The following DCUN1D2 variants were observed in gnomAD, a reference collection of about 807,000 sequenced individuals.
DCUN1D2 encodes the protein defective in cullin neddylation 1 domain containing 2.
Under a neutral mutation model 30.9 loss-of-function variants are expected in DCUN1D2, and 29 were observed. The observed-to-expected ratio is 0.94, with a 90% CI of 0.70 to 1.28. The LOEUF (loss-of-function observed/expected upper bound fraction) is 1.28, where lower values mean the gene tolerates loss of function less well. Among genes scored for constraint, DCUN1D2 ranks in the 50% most tolerant of loss-of-function variants. The probability of loss-of-function intolerance (pLI) is 0.00; values close to 1 mark genes in which losing one functional copy is unlikely to be tolerated. For missense variants in DCUN1D2, 325 were observed against 316.9 expected (o/e 1.03, Z -0.19); for synonymous variants, 121 against 115.3 (o/e 1.05, Z -0.32).
chr13:113,483,470 T>C (rs1331320236), intron 2 of DCUN1D2, among the ~76,000 whole-genome samples: 1 of 151,994 alleles, frequency 6.6e-6, no homozygotes, highest in Non-Finnish European at 1.5e-5. Context: ...TCAGCCTAAA[T>C]AGAAGTGCTT....
chr13:113,476,723 A>C (rs988551060), intron 3 of DCUN1D2, among the ~76,000 whole-genome samples: 3 of 152,176 alleles, frequency 2.0e-5, no homozygotes, highest in Non-Finnish European at 4.4e-5. Context: ...AAATTATCCT[A>C]TTTCATAGTC....
Position 113,490,533 on chromosome 13 carries a change from C to T in DCUN1D2, c.3+134G>A. 2 of 957,742 alleles carry T rather than the reference C, an allele frequency of 2.1e-6. No individual in the cohort carries two copies. The highest frequency in any genetic ancestry group is 2.7e-6 in the Non-Finnish European group (2 of 736,202). The allele number at this position is 957,742 out of a possible 1,614,324, so 59.3% of individuals were successfully genotyped here. A position where few individuals can be genotyped will look rare whatever the true frequency, so the allele number is the denominator to read the frequency against. ...CTCGCGGGCCCGCGGCGCGTTCCTCCCTCGGATCCACGCGGAACGCCCCGC... is the reference window on the plus strand; with the variant it reads ...CTCGCGGGCCCGCGGCGCGTTCCTCTCTCGGATCCACGCGGAACGCCCCGC... On this transcript the variant is annotated intron_variant, in intron 1 of 6. Transcript: ENST00000478244. This position sits in a 1 kb window ranked among gnomAD's most constrained non-coding sequence, Gnocchi z 5.2.
In DCUN1D2 at chr13:113,458,043, G is replaced by C; in HGVS notation, c.766C>G (p.Arg256Gly). ...YARPVVTGGKRSLF is the reference protein window; with the variant it reads ...YARPVVTGGKGSLF Reference sequence around the variant, plus strand: ...TAACTTGCTGCCTAGAAAAGGCTGCGTTTTCCACCTGTGACTACTGGCCGT... The same window carrying C: ...TAACTTGCTGCCTAGAAAAGGCTGCCTTTTCCACCTGTGACTACTGGCCGT... Residue 256 changes from arginine (R) to glycine (G), a missense_variant, in exon 7 of 7, where the codon CGC (arginine) becomes GGC (glycine). Physicochemically the swap from Arg to Gly is moderately radical, Grantham distance 125. Transcript: ENST00000478244. The C allele has an allele frequency of 6.2e-7, 1 of 1,614,044 alleles. No homozygotes were observed. The highest frequency in any genetic ancestry group is 1.1e-5 in the South Asian group (1 of 91,080).
chr13:113,486,907 G>A (rs1394587640), intron 1 of DCUN1D2, among the ~76,000 whole-genome samples: 1 of 152,222 alleles, frequency 6.6e-6, no homozygotes, highest in Non-Finnish European at 1.5e-5. Flanking sequence ...GCAGACAGCC[G>A]TAGGCTGTGT....
intron 3 of DCUN1D2, among the ~76,000 whole-genome samples, chr13:113,476,674 T>C (rs2044622941): frequency 1.3e-5 from 2 of 152,236 alleles, no homozygotes; most frequent in Admixed American, 6.5e-5. Flanking sequence ...TATCGGCATT[T>C]TTCTTTATGG....
At chr13:113,458,583 C>T (rs112744099) in intron 6 of DCUN1D2, among the ~76,000 whole-genome samples, 86 of 152,346 alleles carry the variant, frequency 5.6e-4, no homozygotes, top group South Asian at 1.2e-3. Context: ...CTGGAAGCCG[C>T]GCTTCTGTCA....
At chr13:113,464,744 C>T (rs2044373718) in intron 4 of DCUN1D2, among the ~76,000 whole-genome samples, 1 of 152,262 alleles carries the variant, frequency 6.6e-6, no homozygotes, top group African/African-American at 2.4e-5. Context: ...AGAGAAAGGC[C>T]ACTCAGCAGA....
intron 4 of DCUN1D2, among the ~76,000 whole-genome samples, chr13:113,466,444 T>C (rs2044404047): frequency 6.6e-6 from 1 of 152,202 alleles, no homozygotes. Flanking sequence ...ACAGAGTCAT[T>C]CTGTAGATGC....
At chr13:113,473,658 T>C (rs2044562773) in intron 4 of DCUN1D2, among the ~76,000 whole-genome samples, 1 of 152,234 alleles carries the variant, frequency 6.6e-6, no homozygotes, top group Non-Finnish European at 1.5e-5. Context: ...TAAACTCATC[T>C]ACCTACATAC....
intron 4 of DCUN1D2, among the ~76,000 whole-genome samples, chr13:113,464,210 C>T (rs962508835): frequency 3.9e-5 from 6 of 152,210 alleles, no homozygotes; most frequent in Non-Finnish European, 7.3e-5. Context: ...AGTAATGCTT[C>T]CCATCCTATA....
chr13:113,471,294 A>G (rs1389579788), intron 4 of DCUN1D2, among the ~76,000 whole-genome samples: 1 of 137,284 alleles, frequency 7.3e-6, no homozygotes, highest in African/African-American at 2.8e-5. Flanking sequence ...ACTCCACAGA[A>G]GACACAACTC....
intron 4 of DCUN1D2, among the ~76,000 whole-genome samples, chr13:113,469,144 G>GCACACACACACACA (rs151101835): frequency 2.0e-5 from 3 of 148,156 alleles, no homozygotes; most frequent in East Asian, 2.0e-4. Flanking sequence ...CTACACGCCT[G>GCACACACACACACA]CACACACACA....
At chr13:113,470,079 A>G (rs2044475352) in intron 4 of DCUN1D2, among the ~76,000 whole-genome samples, 1 of 152,240 alleles carries the variant, frequency 6.6e-6, no homozygotes. Flanking sequence ...CATCTCAGCC[A>G]ATGATAGTCC....
chr13:113,490,532 C>T lies in DCUN1D2; in HGVS notation c.3+135G>A. On this transcript the variant is annotated intron_variant, in intron 1 of 6. Coordinates refer to ENST00000478244, the MANE Select transcript of DCUN1D2 (RefSeq NM_001014283.2). The surrounding 1 kb of genome is among the most constrained non-coding windows in gnomAD (Gnocchi z 5.2). ...GCTCGCGGGCCCGCGGCGCGTTCCTCCCTCGGATCCACGCGGAACGCCCCG... is the reference window on the plus strand; with the variant it reads ...GCTCGCGGGCCCGCGGCGCGTTCCTTCCTCGGATCCACGCGGAACGCCCCG... The T allele has an allele frequency of 1.0e-6, 1 of 953,062 alleles. No homozygotes were observed. Among genetic ancestry groups the T allele is most frequent in the Non-Finnish European group, 1.4e-6 (1 of 732,124 alleles). 59.0% of individuals were successfully genotyped at this position (953,062 alleles called of 1,614,324 possible). A position where few individuals can be genotyped will look rare whatever the true frequency, so the allele number is the denominator to read the frequency against.
At chr13:113,460,556 C>T (rs1024878921) in intron 5 of DCUN1D2, among the ~76,000 whole-genome samples, 4 of 152,234 alleles carry the variant, frequency 2.6e-5, no homozygotes, top group African/African-American at 9.6e-5. Flanking sequence ...ACAAAGGCCT[C>T]TTTTCCTCCT....
At chr13:113,481,237 G>C (rs948189110) in intron 2 of DCUN1D2, among the ~76,000 whole-genome samples, 1 of 152,154 alleles carries the variant, frequency 6.6e-6, no homozygotes, top group Non-Finnish European at 1.5e-5. Context: ...CTACTTCTCA[G>C]AATCATTTAG....
chr13:113,467,565 G>A (rs933636822), intron 4 of DCUN1D2, among the ~76,000 whole-genome samples: 1 of 151,992 alleles, frequency 6.6e-6, no homozygotes, highest in Non-Finnish European at 1.5e-5. Context: ...GCAGTCTTGG[G>A]TACATCCATC....
Position 113,490,104 on chromosome 13 carries a change from G to C in DCUN1D2, c.3+563C>G, listed in dbSNP as rs1462305384. ...CCAGCAGCCTCCCTCCTGCGCTGCG[G>C]AACTCTACCAGCTCCACAGATGCAC... On this transcript the variant is annotated intron_variant, in intron 1 of 6. Coordinates refer to ENST00000478244, the MANE Select transcript of DCUN1D2 (RefSeq NM_001014283.2). The surrounding 1 kb of genome is among the most constrained non-coding windows in gnomAD (Gnocchi z 5.2). Among the ~76,000 whole-genome samples, 5 of 152,136 alleles carry C rather than the reference G, an allele frequency of 3.3e-5. No homozygotes were observed. Among genetic ancestry groups the C allele is most frequent in the East Asian group, 3.9e-4 (2 of 5,170 alleles).
At chr13:113,459,888 T>C (rs940871989) in intron 5 of DCUN1D2, among the ~76,000 whole-genome samples, 7 of 152,214 alleles carry the variant, frequency 4.6e-5, no homozygotes, top group African/African-American at 1.7e-4. Context: ...AAAGCCGTGC[T>C]CCATCGCACC....
Sources: allele counts gnomAD v4.1 joint callset (sites outside exome capture counted in the v4.1 genomes callset), GRCh38; gene constraint gnomAD v4.1.1; non-coding constraint Gnocchi (gnomAD v3.1); transcripts MANE v1.5; gene names NCBI Gene and HGNC (gene_info 2026-07-23, HGNC 2026-07-21).